UBE3A: variants seen among roughly 807,000 people sequenced by gnomAD.
UBE3A encodes ubiquitin protein ligase E3A, also known as ubiquitin-protein ligase E3A.
A neutral mutation model predicts 83.4 loss-of-function variants in UBE3A; 6 were observed. The observed-to-expected ratio is 0.07, with a 90% CI of 0.04 to 0.14. The LOEUF (loss-of-function observed/expected upper bound fraction) is 0.14, where lower values mean the gene tolerates loss of function less well. UBE3A is among the 10% of genes least tolerant of loss of function. UBE3A has a pLI of 1.00. For synonymous variants in UBE3A, 337 were observed against 355.4 expected (o/e 0.95, Z 0.58); for missense variants, 456 against 1,036.1 (o/e 0.44, Z 7.69).
rs767063794 is a variant in UBE3A, at chr15:25,407,080, G to C, written c.21-1578C>G. On this transcript the variant is annotated intron_variant, in intron 3 of 12. Transcript: ENST00000648336. Reference sequence around the variant, plus strand: ...TATGTGACACACCTGGTCTCCACCAGCCTTGTGGGTAAGTACCCCAAGATT... The same window carrying C: ...TATGTGACACACCTGGTCTCCACCACCCTTGTGGGTAAGTACCCCAAGATT... The C allele has an allele frequency of 7.4e-6, 10 of 1,350,212 alleles. No individual in the cohort carries two copies. In the African/African-American group the frequency reaches 1.5e-4, roughly 20 times the overall value. 83.6% of individuals were successfully genotyped at this position (1,350,212 alleles called of 1,614,324 possible).
intron 4 of UBE3A, among the ~76,000 whole-genome samples, chr15:25,378,733 T>C (rs1280708164): frequency 1.3e-5 from 2 of 152,148 alleles, no homozygotes; most frequent in Non-Finnish European, 2.9e-5. Context: ...TTTTTTAACA[T>C]GAGTAATACT....
At chr15:25,407,009 CA>C in intron 3 of UBE3A, 1 of 1,234,422 alleles carries the variant, frequency 8.1e-7, no homozygotes, top group Admixed American at 2.6e-5. Flanking sequence ...GACACAAATG[CA>C]AAAATTTCAC....
At chr15:25,360,886 C>A (rs1227779823) in intron 6 of UBE3A, among the ~76,000 whole-genome samples, 2 of 152,218 alleles carry the variant, frequency 1.3e-5, no homozygotes, top group African/African-American at 2.4e-5. Context: ...AGAGGTCTAA[C>A]CTCAAAATTG....
At chr15:25,351,841 A>G (rs12905879) in intron 11 of UBE3A, among the ~76,000 whole-genome samples, 58,425 of 152,150 alleles carry the variant, frequency 0.38, 14,938 homozygotes, top group African/African-American at 0.74. Flanking sequence ...CAAAGTTAGG[A>G]GCAGGGATTG....
At chr15:25,402,583 T>C (rs770946997) in intron 4 of UBE3A, among the ~76,000 whole-genome samples, 6 of 152,130 alleles carry the variant, frequency 3.9e-5, no homozygotes, top group African/African-American at 7.2e-5. Flanking sequence ...TTTGTGGGTA[T>C]TGGCCTGAAG....
At chr15:25,428,112 T>A (rs1468680176) in intron 1 of UBE3A, among the ~76,000 whole-genome samples, 1 of 152,068 alleles carries the variant, frequency 6.6e-6, no homozygotes, top group Non-Finnish European at 1.5e-5. Context: ...CAGAAGAACA[T>A]AACTGTATTT....
chr15:25,357,838 A>T lies in UBE3A; in HGVS notation c.1754-942T>A, dbSNP rs541649346. On this transcript the variant is annotated intron_variant, in intron 7 of 12. Coordinates refer to ENST00000648336, the MANE Select transcript of UBE3A (RefSeq NM_130839.5). ...TTAATTATGGGCCAATACGTAAAAG[A>T]AAAGTAGTTTCGTAGTCTTTCAATT... Among the ~76,000 whole-genome samples, 107 of 152,192 alleles carry T rather than the reference A, an allele frequency of 7.0e-4. 1 individual carries two copies. In the Middle Eastern group the frequency reaches 0.01, roughly 15 times the overall value.
At chr15:25,344,815 A>C (rs2075403387) in intron 11 of UBE3A, among the ~76,000 whole-genome samples, 1 of 152,186 alleles carries the variant, frequency 6.6e-6, no homozygotes. Context: ...AAGCAGATGG[A>C]AATTTTTTTT....
chr15:25,428,156 C>T (rs11161175), intron 1 of UBE3A, among the ~76,000 whole-genome samples: 95,296 of 151,908 alleles, frequency 0.63, 33,071 homozygotes, highest in Non-Finnish European at 0.78. Context: ...AAAAACTGTA[C>T]ACTTAAAAAA....
rs756481618 is a variant in UBE3A, at chr15:25,375,507, C to T, written c.319G>A (p.Glu107Lys). ...SKGAPNNSCS[E>K]IKMNKKGARI... ...GCGCCTTTCTTGTTCATTTTTATCTCAGAGCAGGAGTTGTTGGGGGCACCT... is the reference window on the plus strand; with the variant it reads ...GCGCCTTTCTTGTTCATTTTTATCTTAGAGCAGGAGTTGTTGGGGGCACCT... The change falls in exon 5 of 13, where the codon GAG (glutamate) becomes AAG (lysine). Residue 107 changes from glutamate (E) to lysine (K), a missense_variant. Glu to Lys is a moderately conservative substitution (Grantham distance 56). Coordinates refer to ENST00000648336, the MANE Select transcript of UBE3A (RefSeq NM_130839.5). 1 of 1,614,064 alleles carries T rather than the reference C, an allele frequency of 6.2e-7. No individual in the cohort carries two copies. Among genetic ancestry groups the T allele is most frequent in the Admixed American group, 1.7e-5 (1 of 59,994 alleles).
In UBE3A at chr15:25,340,208, T is replaced by C; in HGVS notation, c.2375A>G (p.His792Arg). 2 of 1,613,682 alleles carry C rather than the reference T, an allele frequency of 1.2e-6. No homozygotes were observed. Among genetic ancestry groups the C allele is most frequent in the Non-Finnish European group, 1.7e-6 (2 of 1,179,960 alleles). ...VLIREFWEIV[H>R]SFTDEQKRLF... ...TCTTTTCTGTTCATCTGTAAATGAA[T>C]GAACGATTTCCCAGAACTCCCTAAT... Residue 792 changes from histidine (H) to arginine (R), a missense_variant, in exon 12 of 13, where the codon CAT (histidine) becomes CGT (arginine). His to Arg is a conservative substitution (Grantham distance 29). This residue lies in a region of UBE3A where 82 missense variants were observed against 199.3 expected (regional missense o/e 0.41). Coordinates refer to ENST00000648336, the MANE Select transcript of UBE3A (RefSeq NM_130839.5).
At chr15:25,407,154 A>C in intron 3 of UBE3A, 2 of 1,348,190 alleles carry the variant, frequency 1.5e-6, no homozygotes, top group South Asian at 1.1e-5. Flanking sequence ...ATTGATGATA[A>C]CCCCATGTAC....
chr15:25,362,436 T>C (rs896516171), intron 6 of UBE3A, among the ~76,000 whole-genome samples: 1 of 152,200 alleles, frequency 6.6e-6, no homozygotes, highest in Admixed American at 6.5e-5. Flanking sequence ...CTTTAAACTT[T>C]AGCACGCGAT....
chr15:25,387,299 A>C (rs1210040311), intron 4 of UBE3A, among the ~76,000 whole-genome samples: 1 of 152,184 alleles, frequency 6.6e-6, no homozygotes, highest in East Asian at 1.9e-4. Flanking sequence ...AGGCGGGTGG[A>C]TCACATGGTC....
At chr15:25,375,163 T>C (rs2080998231) in intron 5 of UBE3A, 1 of 343,864 alleles carries the variant, frequency 2.9e-6, no homozygotes, top group African/African-American at 2.1e-5. Flanking sequence ...ATAACTTAAA[T>C]AGATGTTGTG....
Position 25,405,502 on chromosome 15 carries a change from T to C in UBE3A, c.21A>G (p.Arg7=), listed in dbSNP as rs752810430. 6.0e-5 allele frequency: 97 copies of C among 1,613,818 alleles called. 1 individual carries two copies. The South Asian group carries it at 9.2e-4, about 15-fold the overall frequency. The change falls in exon 4 of 13, where the codon AGA becomes AGG. Residue 7 remains arginine (R), a splice_region_variant and synonymous_variant. Coordinates refer to ENST00000648336, the MANE Select transcript of UBE3A (RefSeq NM_130839.5). ...TGTCGTCAGACTGAGGTTCTCCTGA[T>C]CTGTAAAATGCAATTGAGAAACAGT... The part of the protein sequence containing the change: MATACK[R]SGEPQSDDIE...
chr15:25,391,168 AAAAG>A (rs1203018725), intron 4 of UBE3A, among the ~76,000 whole-genome samples: 2 of 152,308 alleles, frequency 1.3e-5, no homozygotes, highest in East Asian at 1.9e-4. Context: ...AGCCTAAAAG[AAAAG>A]AAAGAAATTC....
intron 4 of UBE3A, among the ~76,000 whole-genome samples, chr15:25,381,758 G>A (rs987011708): frequency 1.3e-5 from 2 of 152,074 alleles, no homozygotes; most frequent in South Asian, 2.1e-4. Flanking sequence ...AGTGAGCAAC[G>A]GTATCCTAAA....
In UBE3A at chr15:25,370,427, A is replaced by C. The variant is rs990595835; in HGVS notation, c.1608+139T>G. The C allele has an allele frequency of 1.1e-4, 111 of 1,020,136 alleles. No individual in the cohort carries two copies. The highest frequency in any genetic ancestry group is 1.6e-4 in the Non-Finnish European group (108 of 662,644). 63.2% of individuals were successfully genotyped at this position (1,020,136 alleles called of 1,614,324 possible). A position where few individuals can be genotyped will look rare whatever the true frequency, so the allele number is the denominator to read the frequency against. On this transcript the variant is annotated intron_variant, in intron 6 of 12. Coordinates refer to ENST00000648336, the MANE Select transcript of UBE3A (RefSeq NM_130839.5). This position sits in a 1 kb window ranked among gnomAD's most constrained non-coding sequence, Gnocchi z 4.2. The stretch of plus-strand genomic sequence containing the variant: ...CTTGCACAGGAACAACAAAAGTATA[A>C]TACTTATATAAGATCAGAAATGTCC...
Sources: allele counts gnomAD v4.1 joint callset (sites outside exome capture counted in the v4.1 genomes callset), GRCh38; gene constraint gnomAD v4.1.1; regional missense constraint gnomAD v4.1.1; non-coding constraint Gnocchi (gnomAD v3.1); transcripts MANE v1.5; gene names NCBI Gene and HGNC (gene_info 2026-07-23, HGNC 2026-07-21).